The following PRKCB variants were observed in gnomAD, a reference collection of about 807,000 sequenced individuals.
PRKCB encodes the protein protein kinase C beta type.
PRKCB carries 13 observed loss-of-function variants against 81.5 expected under a neutral mutation model. The observed-to-expected ratio is 0.16, with a 90% CI of 0.10 to 0.25. The LOEUF (loss-of-function observed/expected upper bound fraction) is 0.25, where lower values mean the gene tolerates loss of function less well. PRKCB is among the 10% of genes least tolerant of loss of function. The probability of loss-of-function intolerance (pLI) is 1.00; values close to 1 mark genes in which losing one functional copy is unlikely to be tolerated. For synonymous variants in PRKCB, 335 were observed against 321.4 expected (o/e 1.04, Z -0.45); for missense variants, 509 against 875.7 (o/e 0.58, Z 5.29).
chr16:24,072,856 A>G (rs928807471), intron 5 of PRKCB, among the ~76,000 whole-genome samples: 2 of 152,170 alleles, frequency 1.3e-5, no homozygotes, highest in Admixed American at 1.3e-4. Context: ...CACTGGGATT[A>G]CATGTGTGCG....
At chr16:24,209,263 C>G (rs1375696715) in intron 16 of PRKCB, among the ~76,000 whole-genome samples, 1 of 152,120 alleles carries the variant, frequency 6.6e-6, no homozygotes, top group African/African-American at 2.4e-5. Context: ...GGATGCCATA[C>G]CAGCAGTCCC....
rs748243670 is a variant in PRKCB, at chr16:24,215,383, G to A, written c.*567G>A. 16 of 986,122 alleles carry A rather than the reference G, an allele frequency of 1.6e-5. No individual in the cohort carries two copies. The highest frequency in any genetic ancestry group is 1.9e-5 in the Non-Finnish European group (16 of 830,170). 61.1% of individuals were successfully genotyped at this position (986,122 alleles called of 1,614,324 possible). A position where few individuals can be genotyped will look rare whatever the true frequency, so the allele number is the denominator to read the frequency against. On this transcript the variant is annotated 3_prime_UTR_variant, in exon 17 of 17. Coordinates refer to ENST00000643927, the MANE Select transcript of PRKCB (RefSeq NM_002738.7). ...ATCAAAGTTCTAAAATTCCAAGAAT[G>A]TGCTTTTAGACGGTCTCAATCTAAA...
intron 5 of PRKCB, among the ~76,000 whole-genome samples, chr16:24,046,100 T>C (rs1231668915): frequency 6.6e-6 from 1 of 152,248 alleles, no homozygotes; most frequent in Non-Finnish European, 1.5e-5. Context: ...CTTTCTTTCT[T>C]CCCTGCTTTG....
intron 15 of PRKCB, among the ~76,000 whole-genome samples, chr16:24,188,894 A>G (rs1365075545): frequency 6.6e-6 from 1 of 152,218 alleles, no homozygotes; most frequent in East Asian, 1.9e-4. Context: ...TTTAAAGAGT[A>G]ATGGGTAATG....
intron 16 of PRKCB, among the ~76,000 whole-genome samples, chr16:24,199,285 T>C (rs1435354199): frequency 6.6e-6 from 1 of 152,192 alleles, no homozygotes; most frequent in African/African-American, 2.4e-5. Flanking sequence ...AAAACATTGT[T>C]TATGTAGCTG....
intron 9 of PRKCB, among the ~76,000 whole-genome samples, chr16:24,142,694 G>A (rs117669729): frequency 1.2e-3 from 184 of 152,344 alleles, no homozygotes; most frequent in Non-Finnish European, 1.9e-3. Flanking sequence ...GTCCACGGAA[G>A]GGCTGGGGGA....
chr16:24,086,715 AG>A (rs1966314797), intron 5 of PRKCB, among the ~76,000 whole-genome samples: 2 of 152,222 alleles, frequency 1.3e-5, no homozygotes, highest in Admixed American at 1.3e-4. Context: ...TGATGGATAA[AG>A]CTAAAATCTT....
chr16:23,901,327 A>T (rs1454353369), intron 2 of PRKCB, among the ~76,000 whole-genome samples: 1 of 152,068 alleles, frequency 6.6e-6, no homozygotes, highest in Non-Finnish European at 1.5e-5. Context: ...AGTAGACAGC[A>T]TGGGTTCTCT....
At chr16:23,970,884 G>A (rs762992620) in intron 2 of PRKCB, among the ~76,000 whole-genome samples, 1 of 152,182 alleles carries the variant, frequency 6.6e-6, no homozygotes, top group Non-Finnish European at 1.5e-5. Context: ...TGCTGGAGCT[G>A]GATTGAAGGC....
intron 2 of PRKCB, among the ~76,000 whole-genome samples, chr16:23,964,577 A>C (rs1964463897): frequency 6.6e-6 from 1 of 152,076 alleles, no homozygotes; most frequent in Non-Finnish European, 1.5e-5. Flanking sequence ...TCTCCACCTA[A>C]CCTTTTAAGG....
intron 2 of PRKCB, among the ~76,000 whole-genome samples, chr16:23,854,423 G>T (rs1292707303): frequency 6.6e-6 from 1 of 152,162 alleles, no homozygotes; most frequent in Admixed American, 6.5e-5. Context: ...GCTGGGCTCA[G>T]CTGGGTGGTC....
intron 2 of PRKCB, among the ~76,000 whole-genome samples, chr16:23,857,640 C>T (rs139532282): frequency 1.8e-4 from 27 of 152,028 alleles, no homozygotes; most frequent in Middle Eastern, 3.4e-3. Flanking sequence ...CCAGATGGGA[C>T]GAAAAGTCAA....
At chr16:24,099,453 G>A (rs1209895911) in intron 7 of PRKCB, 2 of 152,314 alleles carry the variant, frequency 1.3e-5, no homozygotes, top group South Asian at 2.1e-4. Flanking sequence ...AACCCAAGAA[G>A]CTTTGAATAA....
chr16:23,849,027 A>C (rs984357768), intron 2 of PRKCB, among the ~76,000 whole-genome samples: 22 of 152,186 alleles, frequency 1.4e-4, no homozygotes, highest in African/African-American at 5.1e-4. Flanking sequence ...CTTACAGTGG[A>C]TCTTAGAGAG....
intron 10 of PRKCB, among the ~76,000 whole-genome samples, chr16:24,168,541 C>CCTTTTTTT (rs1967383206): frequency 1.3e-5 from 1 of 76,330 alleles, no homozygotes; most frequent in Non-Finnish European, 3.0e-5. Context: ...TCTTCTTCTA[C>CCTTTTTTT]TTTTTTTTTT....
At position 23,971,958 on chromosome 16, in the gene PRKCB, G is replaced by T. The variant is rs371438784; in HGVS notation, c.206-16550G>T. 7.2e-5 allele frequency among the ~76,000 whole-genome samples: 11 copies of T among 152,110 alleles called. No homozygotes were observed. The East Asian group carries it at 2.1e-3, about 29-fold the overall frequency. ...TTGTATGCCCACACAAAAAATGAAT[G>T]AATAAATTAAGACTTATAAATGAAT... is the stretch of plus-strand genomic sequence containing the variant. On this transcript the variant is annotated intron_variant, in intron 2 of 16. Transcript: ENST00000643927.
intron 2 of PRKCB, among the ~76,000 whole-genome samples, chr16:23,927,556 A>C (rs1470771167): frequency 6.6e-6 from 1 of 152,066 alleles, no homozygotes; most frequent in Non-Finnish European, 1.5e-5. Flanking sequence ...AATGAATTTC[A>C]CAGTGACAAG....
At chr16:24,165,883 C>CTTTTTTTTTTTTTTTTT (rs71154285) in intron 10 of PRKCB, among the ~76,000 whole-genome samples, 2 of 94,004 alleles carry the variant, frequency 2.1e-5, no homozygotes, top group African/African-American at 3.8e-5. Flanking sequence ...TTCTTTCTTT[C>CTTTTTTTTTTTTTTTTT]TTTTTTTTTT....
At chr16:23,847,236 G>T (rs564768430) in intron 2 of PRKCB, among the ~76,000 whole-genome samples, 53 of 152,196 alleles carry the variant, frequency 3.5e-4, no homozygotes, top group African/African-American at 1.1e-3. Context: ...GAGAGTTCAA[G>T]CTCAAAACAG....
Sources: allele counts gnomAD v4.1 joint callset (sites outside exome capture counted in the v4.1 genomes callset), GRCh38; gene constraint gnomAD v4.1.1; transcripts MANE v1.5; gene names NCBI Gene and HGNC (gene_info 2026-07-23, HGNC 2026-07-21).